Variants in HRC observed in about 807,000 individuals in gnomAD.
The protein encoded by HRC is sarcoplasmic reticulum histidine-rich calcium-binding protein.
Under a neutral mutation model 61.4 loss-of-function variants are expected in HRC, and 41 were observed. The observed-to-expected ratio is 0.67, with a 90% CI of 0.52 to 0.87. The LOEUF (loss-of-function observed/expected upper bound fraction) is 0.87, where lower values mean the gene tolerates loss of function less well. Ranked by LOEUF, HRC falls within the 40% of genes least tolerant of loss-of-function variation. HRC has a pLI of 0.00. For missense variants in HRC, 839 were observed against 885.8 expected, an observed-to-expected ratio of 0.95 and a Z score of 0.67; for synonymous variants, 308 against 326.6, an observed-to-expected ratio of 0.94 and a Z score of 0.62.
At position 49,152,342 on chromosome 19, in the gene HRC, C is replaced by T. The variant is rs548133405; in HGVS notation, c.1939G>A (p.Glu647Lys). The change falls in exon 3 of 6, where the codon GAG becomes AAG. Residue 647 changes from glutamate to lysine, a missense_variant. By Grantham distance (56) the Glu-to-Lys change is moderately conservative. Coordinates refer to ENST00000252825, the MANE Select transcript of HRC (RefSeq NM_002152.3). ...TECESCHCDEENMGEHCDQCQ... is the reference protein window; with the variant it reads ...TECESCHCDEKNMGEHCDQCQ... ...TGGTCGCAGTGCTCACCCATGTTCT[C>T]CTCATCACAGTGACAGCTCTCACAT... 2 of 1,613,720 alleles carry T rather than the reference C, an allele frequency of 1.2e-6. No homozygotes were observed. The highest frequency in any genetic ancestry group is 1.1e-5 in the South Asian group (1 of 91,026).
chr19:49,155,313 G>T lies in HRC; in HGVS notation c.-76C>A. 2.7e-6 allele frequency: 4 copies of T among 1,481,448 alleles called. No individual in the cohort carries two copies. Among genetic ancestry groups the T allele is most frequent in the Non-Finnish European group, 1.8e-6 (2 of 1,127,314 alleles). 91.8% of individuals were successfully genotyped at this position (1,481,448 alleles called of 1,614,324 possible). ...AAACGTTGGGGTCTTTGTCCCTTTG[G>T]GGTTGGTCTCTTTTTTTCTCTGTGT... On this transcript the variant is annotated 5_prime_UTR_variant, in exon 1 of 6. Transcript: ENST00000252825. The surrounding 1 kb of genome is among the most constrained non-coding windows in gnomAD (Gnocchi z 4.7).
At position 49,152,077 on chromosome 19, in the gene HRC, A is replaced by G; in HGVS notation, c.1972-19T>C. ...GACAGTGCTGGAGGCGGGGACGGGG[A>G]GAGAGAGTGAGCGTGGGGCGTGGCC... On this transcript the variant is annotated intron_variant, in intron 3 of 5. Transcript: ENST00000252825. 1 of 1,611,758 alleles carries G rather than the reference A, an allele frequency of 6.2e-7. No homozygotes were observed. The highest frequency in any genetic ancestry group is 8.5e-7 in the Non-Finnish European group (1 of 1,178,108).
Position 49,153,859 on chromosome 19 carries a change from T to A in HRC, c.1379A>T (p.Glu460Val). 2 of 1,614,152 alleles carry A rather than the reference T, an allele frequency of 1.2e-6. No homozygotes were observed. Among genetic ancestry groups the A allele is most frequent in the Non-Finnish European group, 8.5e-7 (1 of 1,180,034 alleles). Reference protein sequence around the residue: ...TGHGQRGSIKEMSHHPPGHTV... With the variant: ...TGHGQRGSIKVMSHHPPGHTV... ...GTGTCCTGGGGGGTGATGGCTCATC[T>A]CTTTGATGGACCCTCTTTGACCATG... Residue 460 changes from glutamate (E) to valine (V), a missense_variant, in exon 1 of 6, where the codon GAG (glutamate) becomes GTG (valine). Physicochemically the swap from Glu to Val is moderately radical, Grantham distance 121 (BLOSUM62 -2). Coordinates refer to ENST00000252825, the MANE Select transcript of HRC (RefSeq NM_002152.3). The surrounding 1 kb of genome is among the most constrained non-coding windows in gnomAD (Gnocchi z 4.8).
Position 49,154,887 on chromosome 19 carries a change from A to T in HRC, c.351T>A (p.Gly117=), listed in dbSNP as rs755278652. Residue 117 remains glycine, a synonymous_variant, in exon 1 of 6, where the codon GGT becomes GGA. Coordinates refer to ENST00000252825, the MANE Select transcript of HRC (RefSeq NM_002152.3). ...CTGCAAAGACCTCCTCACCTGAGAC[A>T]CCCTCATCTCCGACTTTGTGGTCTT... The part of the protein sequence containing the change: ...RSQDHKVGDE[G]VSGEEVFAEH... 9.5e-5 allele frequency: 153 copies of T among 1,613,730 alleles called. No individual in the cohort carries two copies. The highest frequency in any genetic ancestry group is 1.2e-4 in the Non-Finnish European group (139 of 1,179,962).
At chr19:49,151,383 C>T (rs753624019) in intron 5 of HRC, 51 bp from the exon 6 acceptor site, 8 of 1,560,930 alleles carry the variant, frequency 5.1e-6, no homozygotes, top group Non-Finnish European at 7.0e-6. Flanking sequence ...AAGCCCACCC[C>T]AGGACGCTTA....
chr19:49,155,311 T>G lies in HRC; in HGVS notation c.-74A>C. 1 of 1,485,932 alleles carries G rather than the reference T, an allele frequency of 6.7e-7. No homozygotes were observed. The highest frequency in any genetic ancestry group is 2.5e-5 in the Admixed American group (1 of 39,352). 92.0% of individuals were successfully genotyped at this position (1,485,932 alleles called of 1,614,324 possible). ...ACAAACGTTGGGGTCTTTGTCCCTTTGGGGTTGGTCTCTTTTTTTCTCTGT... is the reference window on the plus strand; with the variant it reads ...ACAAACGTTGGGGTCTTTGTCCCTTGGGGGTTGGTCTCTTTTTTTCTCTGT... On this transcript the variant is annotated 5_prime_UTR_variant, in exon 1 of 6. Coordinates refer to ENST00000252825, the MANE Select transcript of HRC (RefSeq NM_002152.3). This position sits in a 1 kb window ranked among gnomAD's most constrained non-coding sequence, Gnocchi z 4.7.
At position 49,153,711 on chromosome 19, in the gene HRC, G is replaced by A. The variant is rs2041384810; in HGVS notation, c.1527C>T (p.Thr509=). ...DESSEQGEKG[T]HHGSRDQEDE... is the part of the protein sequence containing the mutation. ...CTTCCTGGTCCCGGCTGCCATGATGGGTGCCTTTCTCTCCCTGCTCTGAAC... is the reference window on the plus strand; with the variant it reads ...CTTCCTGGTCCCGGCTGCCATGATGAGTGCCTTTCTCTCCCTGCTCTGAAC... The change falls in exon 1 of 6, where the codon ACC becomes ACT. Residue 509 remains threonine (T), a synonymous_variant. Coordinates refer to ENST00000252825, the MANE Select transcript of HRC (RefSeq NM_002152.3). The surrounding 1 kb of genome is among the most constrained non-coding windows in gnomAD (Gnocchi z 4.8). 6.2e-7 allele frequency: 1 copy of A among 1,613,696 alleles called. No individual in the cohort carries two copies. Among genetic ancestry groups the A allele is most frequent in the South Asian group, 1.1e-5 (1 of 91,076 alleles).
In HRC at chr19:49,154,106, C is replaced by T. The variant is rs747204752; in HGVS notation, c.1132G>A (p.Glu378Lys). Reference protein sequence around the residue: ...HVHHGLVDEEEEEEEITVQFG... With the variant: ...HVHHGLVDEEKEEEEITVQFG... The stretch of plus-strand genomic sequence containing the variant: ...TGGACTGTGATCTCCTCTTCTTCCT[C>T]TTCCTCATCTACAAGGCCATGGTGG... Residue 378 changes from glutamate to lysine, a missense_variant, in exon 1 of 6, where the codon GAG (glutamate) becomes AAG (lysine). By Grantham distance (56) the Glu-to-Lys change is moderately conservative. Coordinates refer to ENST00000252825, the MANE Select transcript of HRC (RefSeq NM_002152.3). The T allele has an allele frequency of 3.1e-6, 5 of 1,614,218 alleles. No individual in the cohort carries two copies. Among genetic ancestry groups the T allele is most frequent in the Non-Finnish European group, 2.5e-6 (3 of 1,180,044 alleles).
Position 49,153,326 on chromosome 19 carries a change from G to A in HRC, c.1837C>T (p.Gln613Ter). ...TAGTTCCCATACTCCTGAGCATCCT[G>A]TGGACCTGCGGGGACAGGAGGGCAG... ...EEESGEDTGPQDAQEYGNYQP... is the reference protein window; with the variant it reads ...EEESGEDTGP The change falls in exon 2 of 6, where the codon CAG (glutamine) becomes TAG (stop). Residue 613 changes from glutamine to a stop codon, truncating the protein, a stop_gained. Coordinates refer to ENST00000252825, the MANE Select transcript of HRC (RefSeq NM_002152.3). LOFTEE classifies it high-confidence loss of function. The surrounding 1 kb of genome is among the most constrained non-coding windows in gnomAD (Gnocchi z 4.8). 1 of 1,613,788 alleles carries A rather than the reference G, an allele frequency of 6.2e-7. No individual in the cohort carries two copies. Among genetic ancestry groups the A allele is most frequent in the Non-Finnish European group, 8.5e-7 (1 of 1,179,752 alleles).
Position 49,155,299 on chromosome 19 carries a change from T to C in HRC, c.-62A>G. 1 of 1,511,862 alleles carries C rather than the reference T, an allele frequency of 6.6e-7. No homozygotes were observed. Among genetic ancestry groups the C allele is most frequent in the Non-Finnish European group, 8.8e-7 (1 of 1,142,130 alleles). 93.7% of individuals were successfully genotyped at this position (1,511,862 alleles called of 1,614,324 possible). On this transcript the variant is annotated 5_prime_UTR_variant, in exon 1 of 6. Coordinates refer to ENST00000252825, the MANE Select transcript of HRC (RefSeq NM_002152.3). The surrounding 1 kb of genome is among the most constrained non-coding windows in gnomAD (Gnocchi z 4.7). ...GCGGCAATGTGGACAAACGTTGGGG[T>C]CTTTGTCCCTTTGGGGTTGGTCTCT...
Position 49,155,330 on chromosome 19 carries a change from T to C in HRC, c.-93A>G. 1 of 1,431,868 alleles carries C rather than the reference T, an allele frequency of 7.0e-7. No homozygotes were observed. The highest frequency in any genetic ancestry group is 1.5e-5 in the South Asian group (1 of 68,326). 88.7% of individuals were successfully genotyped at this position (1,431,868 alleles called of 1,614,324 possible). On this transcript the variant is annotated 5_prime_UTR_variant, in exon 1 of 6. Transcript: ENST00000252825. The surrounding 1 kb of genome is among the most constrained non-coding windows in gnomAD (Gnocchi z 4.7). The stretch of plus-strand genomic sequence containing the variant: ...TCCCTTTGGGGTTGGTCTCTTTTTT[T>C]CTCTGTGTCTCTCCTTTGTCCTTTC...
chr19:49,155,329 TTC>T lies in HRC; in HGVS notation c.-94_-93del, dbSNP rs1491492461. The T allele has an allele frequency of 8.3e-6, 12 of 1,445,404 alleles. No individual in the cohort carries two copies. Among genetic ancestry groups the T allele is most frequent in the Admixed American group, 2.7e-5 (1 of 36,396 alleles). 89.5% of individuals were successfully genotyped at this position (1,445,404 alleles called of 1,614,324 possible). A position where few individuals can be genotyped will look rare whatever the true frequency, so the allele number is the denominator to read the frequency against. Reference sequence around the variant, plus strand: ...GTCCCTTTGGGGTTGGTCTCTTTTTTTCTCTGTGTCTCTCCTTTGTCCTTTCG... The same window carrying T: ...GTCCCTTTGGGGTTGGTCTCTTTTTTTCTGTGTCTCTCCTTTGTCCTTTCG... On this transcript the variant is annotated 5_prime_UTR_variant, in exon 1 of 6. Transcript: ENST00000252825. This position sits in a 1 kb window ranked among gnomAD's most constrained non-coding sequence, Gnocchi z 4.7.
chr19:49,152,189 T>G (rs1400185060), intron 3 of HRC, 121 bp downstream of exon 3: 2 of 1,256,558 alleles, frequency 1.6e-6, no homozygotes, highest in Non-Finnish European at 2.3e-6. Flanking sequence ...GCTTGTGGAG[T>G]CAAGGTTGCA....
intron 3 of HRC, 81 bp from the exon 4 acceptor site, chr19:49,152,139 G>A: frequency 7.3e-7 from 1 of 1,368,288 alleles, no homozygotes; most frequent in Non-Finnish European, 1.0e-6. Flanking sequence ...ACCAGACCCG[G>A]ACCAGAGGCT....
rs769050338 is a variant in HRC at position 49,154,112 on chromosome 19, C to T, written c.1126G>A (p.Glu376Lys). 3 of 1,614,090 alleles carry T rather than the reference C, an allele frequency of 1.9e-6. No individual in the cohort carries two copies. The African/African-American group carries it at 4.0e-5, about 22-fold the overall frequency. ...PQHVHHGLVDEEEEEEEITVQ... is the reference protein window; with the variant it reads ...PQHVHHGLVDKEEEEEEITVQ... Reference sequence around the variant, plus strand: ...GTGATCTCCTCTTCTTCCTCTTCCTCATCTACAAGGCCATGGTGGACATGT... The same window carrying T: ...GTGATCTCCTCTTCTTCCTCTTCCTTATCTACAAGGCCATGGTGGACATGT... The change falls in exon 1 of 6, where the codon GAG becomes AAG. Residue 376 changes from glutamate to lysine, a missense_variant. By Grantham distance (56) the Glu-to-Lys change is moderately conservative. Transcript: ENST00000252825.
Position 49,155,356 on chromosome 19 carries a change from G to GA in HRC, c.-120_-119insT. The stretch of plus-strand genomic sequence containing the variant: ...CTCTGTGTCTCTCCTTTGTCCTTTC[G>GA]GTCTCTGTCCACCTTCCTCTGGTCC... On this transcript the variant is annotated 5_prime_UTR_variant, in exon 1 of 6. Coordinates refer to ENST00000252825, the MANE Select transcript of HRC (RefSeq NM_002152.3). This position sits in a 1 kb window ranked among gnomAD's most constrained non-coding sequence, Gnocchi z 4.7. 2.2e-6 allele frequency: 3 copies of GA among 1,362,994 alleles called. No individual in the cohort carries two copies. The highest frequency in any genetic ancestry group is 2.9e-6 in the Non-Finnish European group (3 of 1,034,612). The allele number at this position is 1,362,994 out of a possible 1,614,324, so 84.4% of individuals were successfully genotyped here.
Position 49,153,825 on chromosome 19 carries a change from G to A in HRC, c.1413C>T (p.Val471=). Residue 471 remains valine (V), a synonymous_variant, in exon 1 of 6, where the codon GTC becomes GTT. Transcript: ENST00000252825. This position sits in a 1 kb window ranked among gnomAD's most constrained non-coding sequence, Gnocchi z 4.8. ...CCTTCCTCAAATGGCTTCTATCCTT[G>A]ACCACTGTGTGTCCTGGGGGGTGAT... ...MSHHPPGHTV[V]KDRSHLRKDD... is the part of the protein sequence containing the mutation. The A allele has an allele frequency of 6.2e-7, 1 of 1,613,858 alleles. No individual in the cohort carries two copies. Among genetic ancestry groups the A allele is most frequent in the African/African-American group, 1.3e-5 (1 of 74,938 alleles).
In HRC at chr19:49,155,335, G is replaced by C. The variant is rs2041416853; in HGVS notation, c.-98C>G. The C allele has an allele frequency of 7.0e-7, 1 of 1,427,276 alleles. No homozygotes were observed. Among genetic ancestry groups the C allele is most frequent in the Non-Finnish European group, 9.2e-7 (1 of 1,088,832 alleles). The allele number at this position is 1,427,276 out of a possible 1,614,324, so 88.4% of individuals were successfully genotyped here. A position where few individuals can be genotyped will look rare whatever the true frequency, so the allele number is the denominator to read the frequency against. Reference sequence around the variant, plus strand: ...TTGGGGTTGGTCTCTTTTTTTCTCTGTGTCTCTCCTTTGTCCTTTCGGTCT... The same window carrying C: ...TTGGGGTTGGTCTCTTTTTTTCTCTCTGTCTCTCCTTTGTCCTTTCGGTCT... On this transcript the variant is annotated 5_prime_UTR_variant, in exon 1 of 6. Transcript: ENST00000252825. This position sits in a 1 kb window ranked among gnomAD's most constrained non-coding sequence, Gnocchi z 4.7.
chr19:49,152,404 A>C, intron 2 of HRC, 26 bp from the exon 3 acceptor site: 1 of 1,606,934 alleles, frequency 6.2e-7, no homozygotes, highest in South Asian at 1.1e-5. Context: ...GCCTGGTTAG[A>C]TGGAAACTCT....
Sources: gnomAD v4.1 joint callset for allele counts on GRCh38, gnomAD v4.1.1 for gene constraint, Gnocchi (gnomAD v3.1) non-coding constraint, MANE v1.5 for transcripts, NCBI Gene and HGNC (gene_info 2026-07-23, HGNC 2026-07-21) for gene names.